The following OR51B5 variants were observed in gnomAD, a reference collection of about 807,000 sequenced individuals.
The protein encoded by OR51B5 is olfactory receptor family 51 subfamily B member 5.
For missense variants in OR51B5, 456 were observed against 374.6 expected (o/e 1.22, Z -1.79); for synonymous variants, 186 against 144.8 (o/e 1.28, Z -2.04).
chr11:5,478,132 C>T (rs955107821), intron 1 of OR51B5, among the ~76,000 whole-genome samples: 8 of 151,604 alleles, frequency 5.3e-5, no homozygotes, highest in Admixed American at 3.9e-4. Context: ...TTGAAGAGAG[C>T]AGTGGTTCTC....
intron 1 of OR51B5, among the ~76,000 whole-genome samples, chr11:5,397,077 G>A (rs1157998228): frequency 1.3e-5 from 2 of 152,170 alleles, no homozygotes; most frequent in Non-Finnish European, 2.9e-5. Flanking sequence ...AGACTTAAAT[G>A]TTAGACCTAA....
chr11:5,453,544 G>A, intron 1 of OR51B5: 2 of 1,605,288 alleles, frequency 1.2e-6, no homozygotes, highest in Admixed American at 1.7e-5. Context: ...GGTATCCCTG[G>A]TCTGGAGAGC....
At chr11:5,454,771 T>C (rs1439466190) in intron 1 of OR51B5, 3 of 171,722 alleles carry the variant, frequency 1.7e-5, no homozygotes, top group African/African-American at 4.8e-5. Context: ...AGTACTATTA[T>C]AAATTATTTG....
chr11:5,405,342 C>A (rs975720257), intron 1 of OR51B5, among the ~76,000 whole-genome samples: 1 of 152,132 alleles, frequency 6.6e-6, no homozygotes, highest in Admixed American at 6.5e-5. Context: ...GGTAAGACTT[C>A]AGAGTCTGAG....
intron 1 of OR51B5, among the ~76,000 whole-genome samples, chr11:5,497,863 C>A (rs1225900336): frequency 1.3e-5 from 2 of 152,186 alleles, no homozygotes; most frequent in Non-Finnish European, 2.9e-5. Flanking sequence ...ACTATACACA[C>A]CTTTCTCCAG....
intron 1 of OR51B5, chr11:5,351,471 A>T: frequency 6.6e-7 from 1 of 1,524,798 alleles, no homozygotes; most frequent in Non-Finnish European, 8.9e-7. Flanking sequence ...CTATTGCTTT[A>T]CCTGGAGTAA....
chr11:5,434,179 C>T (rs1850565472), intron 1 of OR51B5, among the ~76,000 whole-genome samples: 1 of 152,112 alleles, frequency 6.6e-6, no homozygotes, highest in South Asian at 2.1e-4. Flanking sequence ...TTTTAAAGCT[C>T]CTCAGATGAA....
chr11:5,365,533 C>A (rs1395914374), intron 1 of OR51B5, among the ~76,000 whole-genome samples: 6 of 152,102 alleles, frequency 3.9e-5, no homozygotes, highest in Admixed American at 3.9e-4. Context: ...GGCTGTACTA[C>A]CTCGAAGTTT....
At chr11:5,405,971 T>C (rs1427456636) in intron 1 of OR51B5, among the ~76,000 whole-genome samples, 2 of 152,136 alleles carry the variant, frequency 1.3e-5, no homozygotes, top group East Asian at 3.8e-4. Context: ...GCCAGATAAA[T>C]AAGACAGTGA....
intron 1 of OR51B5, among the ~76,000 whole-genome samples, chr11:5,413,233 T>C (rs1047954833): frequency 1.3e-5 from 2 of 152,070 alleles, no homozygotes; most frequent in African/African-American, 4.8e-5. Context: ...GTCCTGTCTG[T>C]TAGAAGGAAA....
rs420239 is a variant in OR51B5, at chr11:5,487,488, C to A, written n.84+18081G>T. Among the ~76,000 whole-genome samples, 49 of 152,236 alleles carry A rather than the reference C, an allele frequency of 3.2e-4. No homozygotes were observed. The East Asian group carries it at 6.6e-3, about 20-fold the overall frequency. ...TCAGAGAATGACTACATTCATTGCC[C>A]TTTCTAAATTGAGACTGTCCAGATA... On this transcript the variant is annotated intron_variant and non_coding_transcript_variant, in intron 1 of 4. Transcript: ENST00000415970.
chr11:5,464,934 C>T (rs1322118693), intron 1 of OR51B5, among the ~76,000 whole-genome samples: 6 of 152,264 alleles, frequency 3.9e-5, no homozygotes, highest in South Asian at 4.1e-4. Flanking sequence ...TGGCTGGGCG[C>T]GGTGGCTCAC....
intron 1 of OR51B5, among the ~76,000 whole-genome samples, chr11:5,398,802 C>T (rs1194313986): frequency 6.6e-6 from 1 of 152,160 alleles, no homozygotes; most frequent in African/African-American, 2.4e-5. Context: ...TAAGATGTGC[C>T]TGCTTCTCCT....
intron 1 of OR51B5, among the ~76,000 whole-genome samples, chr11:5,382,261 A>ATGCCCT (rs1159110087): frequency 6.6e-6 from 1 of 152,096 alleles, no homozygotes; most frequent in Non-Finnish European, 1.5e-5. Flanking sequence ...CCTCACCTCC[A>ATGCCCT]TGCCCTTGCT....
At chr11:5,483,289 T>C (rs1359848082) in intron 1 of OR51B5, among the ~76,000 whole-genome samples, 1 of 132,750 alleles carries the variant, frequency 7.5e-6, no homozygotes, top group Non-Finnish European at 1.5e-5. Flanking sequence ...TTCTCACTCA[T>C]AGGTGGGAAC....
At chr11:5,363,368 T>TC (rs1554934852) in intron 1 of OR51B5, among the ~76,000 whole-genome samples, 3 of 150,166 alleles carry the variant, frequency 2.0e-5, no homozygotes. Flanking sequence ...TGTTTTTTTT[T>TC]ACTTCAAGCT....
chr11:5,483,326 G>A (rs1475343995), intron 1 of OR51B5, among the ~76,000 whole-genome samples: 1 of 126,882 alleles, frequency 7.9e-6, no homozygotes, highest in African/African-American at 3.1e-5. Flanking sequence ...ATGGACACAG[G>A]AAGGGGAATA....
At chr11:5,365,484 T>G (rs1486850189) in intron 1 of OR51B5, among the ~76,000 whole-genome samples, 1 of 146,646 alleles carries the variant, frequency 6.8e-6, no homozygotes, top group East Asian at 1.9e-4. Context: ...GGTCTGCCAG[T>G]CAGCAACCAT....
intron 1 of OR51B5, among the ~76,000 whole-genome samples, chr11:5,476,951 C>T (rs549080139): frequency 2.0e-5 from 3 of 152,226 alleles, no homozygotes; most frequent in South Asian, 2.1e-4. Flanking sequence ...ACAAAGTTTC[C>T]GTTATACAAG....
Sources: gnomAD v4.1 joint callset for allele counts (sites outside exome capture counted in the v4.1 genomes callset) on GRCh38, gnomAD v4.1.1 for gene constraint, MANE v1.5 for transcripts, NCBI Gene and HGNC (gene_info 2026-07-23, HGNC 2026-07-21) for gene names.